The following ZNF534 variants were observed in gnomAD, a reference collection of about 807,000 sequenced individuals.
ZNF534 encodes the protein zinc finger protein 534.
In ZNF534, 19 loss-of-function variants were observed where a neutral mutation model predicts 13.6. That is an observed-to-expected ratio of 1.40 (90% CI 0.97 to 2.05). The LOEUF is 2.05. Among genes scored for constraint, ZNF534 ranks in the 30% most tolerant of loss-of-function variants. The pLI is 0.00. For synonymous variants in ZNF534, 244 were observed against 273.8 expected (o/e 0.89, Z 1.07); for missense variants, 782 against 796.3 (o/e 0.98, Z 0.22).
chr19:52,446,788 A>T (rs559200424), downstream of ZNF534, among the ~76,000 whole-genome samples: 2 of 152,196 alleles, frequency 1.3e-5, no homozygotes, highest in East Asian at 3.9e-4. Context: ...AGCAAGGGAG[A>T]TGGAGGCTGC....
chr19:52,446,891 C>T (rs2059196482), downstream of ZNF534, among the ~76,000 whole-genome samples: 1 of 152,142 alleles, frequency 6.6e-6, no homozygotes, highest in South Asian at 2.1e-4. Context: ...TCTTATAGTT[C>T]TGGATGTCAG....
In ZNF534 at chr19:52,441,196, A is replaced by T. The variant is rs965405030; in HGVS notation, c.*1750A>T. Among the ~76,000 whole-genome samples, 5 of 152,112 alleles carry T rather than the reference A, an allele frequency of 3.3e-5. No homozygotes were observed. The highest frequency in any genetic ancestry group is 1.2e-4 in the African/African-American group (5 of 41,432). ...TGGGATTACAGGCATGAGCTGCTGC[A>T]CCCAGCTTGAGAAATCATATGAATA... On this transcript the variant is annotated 3_prime_UTR_variant, in exon 5 of 5. Coordinates refer to ENST00000433050, the MANE Select transcript of ZNF534 (RefSeq NM_001143938.3).
At position 52,437,292 on chromosome 19, in the gene ZNF534, G is replaced by A. The variant is rs189782463; in HGVS notation, c.272-440G>A. 1.0e-3 allele frequency among the ~76,000 whole-genome samples: 154 copies of A among 152,178 alleles called. 1 individual carries two copies. In the South Asian group the frequency reaches 0.021, roughly 21 times the overall value. On this transcript the variant is annotated intron_variant, in intron 4 of 4. Coordinates refer to ENST00000433050, the MANE Select transcript of ZNF534 (RefSeq NM_001143938.3). ...CTTCAGTAAATCACCTCACTCCCTT[G>A]TGTTTTCTGCATTACCAACATGTTA...
chr19:52,430,976 G>A (rs770085433), intron 1 of ZNF534, among the ~76,000 whole-genome samples: 2 of 151,948 alleles, frequency 1.3e-5, no homozygotes, highest in Non-Finnish European at 2.9e-5. Flanking sequence ...TCAGCTTCCT[G>A]AGTAGCTGGG....
At chr19:52,436,698 G>A (rs1452640605) in intron 4 of ZNF534, among the ~76,000 whole-genome samples, 1 of 152,064 alleles carries the variant, frequency 6.6e-6, no homozygotes, top group Non-Finnish European at 1.5e-5. Context: ...TTTGCTCATT[G>A]TTTTCCTTTC....
At chr19:52,431,354 C>A in intron 1 of ZNF534, 54 bp from the exon 2 acceptor site, 1 of 1,338,364 alleles carries the variant, frequency 7.5e-7, no homozygotes, top group Non-Finnish European at 1.0e-6. Flanking sequence ...GGCTGTGGCA[C>A]AGGAAGTGGG....
chr19:52,435,205 C>A lies in ZNF534; in HGVS notation c.267C>A (p.Asn89Lys). The A allele has an allele frequency of 6.2e-7, 1 of 1,610,252 alleles. No individual in the cohort carries two copies. The highest frequency in any genetic ancestry group is 1.1e-5 in the South Asian group (1 of 90,338). Residue 89 changes from asparagine (N) to lysine (K), a missense_variant, in exon 4 of 5, where the codon AAC becomes AAA. Around this residue, in one of 5 missense-constraint regions of ZNF534, gnomAD observed 30 missense variants for 55.4 expected, o/e 0.54. Coordinates refer to ENST00000433050, the MANE Select transcript of ZNF534 (RefSeq NM_001143938.3). ...GCAGGGAGTGCATCAAAGGTGTGAA[C>A]ACAGGTGAGAGCTCAGGTGGGCAGA... ...PDGRECIKGV[N>K]TEKSSKLGSS...
intron 2 of ZNF534, 142 bp downstream of exon 2, chr19:52,431,631 A>G (rs2059087961): frequency 4.5e-6 from 5 of 1,107,258 alleles, no homozygotes; most frequent in Non-Finnish European, 6.6e-6. Flanking sequence ...AGTCCCTTTC[A>G]CTTCCACTTA....
intron 4 of ZNF534, among the ~76,000 whole-genome samples, chr19:52,436,838 T>C (rs2059131770): frequency 6.6e-6 from 1 of 152,196 alleles, no homozygotes; most frequent in African/African-American, 2.4e-5. Flanking sequence ...TTTCACATAC[T>C]GTTTTTCTGA....
intron 2 of ZNF534, 124 bp downstream of exon 2, chr19:52,431,613 C>A: frequency 7.9e-7 from 1 of 1,258,306 alleles, no homozygotes; most frequent in Non-Finnish European, 1.1e-6. Flanking sequence ...TTACCCATGG[C>A]TTCTTCCAGT....
intron 1 of ZNF534, among the ~76,000 whole-genome samples, 191 bp downstream of exon 1, chr19:52,429,435 C>T (rs8102941): frequency 0.011 from 1,633 of 152,290 alleles, 35 homozygotes; most frequent in African/African-American, 0.037. Context: ...GGCTTCTAGG[C>T]CGGGCGCGGT....
In ZNF534 at chr19:52,440,679, G is replaced by C. The variant is rs1808643090; in HGVS notation, c.*1233G>C. 2.6e-5 allele frequency among the ~76,000 whole-genome samples: 1 copy of C among 38,528 alleles called. No homozygotes were observed. The highest frequency in any genetic ancestry group is 7.6e-5 in the Non-Finnish European group (1 of 13,094). The allele number at this position is 38,528 out of a possible 152,430, so 25.3% of individuals were successfully genotyped here. On this transcript the variant is annotated 3_prime_UTR_variant, in exon 5 of 5. Transcript: ENST00000433050. Reference sequence around the variant, plus strand: ...GTCTGTAATCCCAGCTACTCAGGAGGCTGAGGCAGGAGAATCACTTAAACC... The same window carrying C: ...GTCTGTAATCCCAGCTACTCAGGAGCCTGAGGCAGGAGAATCACTTAAACC...
chr19:52,445,931 A>G (rs1300572044), downstream of ZNF534, among the ~76,000 whole-genome samples: 3 of 152,220 alleles, frequency 2.0e-5, no homozygotes, highest in Non-Finnish European at 4.4e-5. Context: ...TCTGAAAAAC[A>G]CAGGGAATAT....
intron 4 of ZNF534, among the ~76,000 whole-genome samples, chr19:52,437,352 C>T (rs2059134853): frequency 6.6e-6 from 1 of 152,272 alleles, no homozygotes; most frequent in Non-Finnish European, 1.5e-5. Flanking sequence ...GGCACAGTGG[C>T]TCATGCCTGT....
In ZNF534 at chr19:52,435,145, G is replaced by A. The variant is rs774882232; in HGVS notation, c.207G>A (p.Leu69=). ...MLEQKRDPWT[L]QSEVKIINNP... is the part of the protein sequence containing the mutation. ...AGCAAAAGAGAGATCCCTGGACTCT[G>A]CAGAGTGAAGTGAAAATAATAAACA... The change falls in exon 4 of 5, where the codon CTG becomes CTA. Residue 69 remains leucine (L), a synonymous_variant. Coordinates refer to ENST00000433050, the MANE Select transcript of ZNF534 (RefSeq NM_001143938.3). 2 of 1,613,000 alleles carry A rather than the reference G, an allele frequency of 1.2e-6. No individual in the cohort carries two copies. The highest frequency in any genetic ancestry group is 1.7e-6 in the Non-Finnish European group (2 of 1,179,382).
intron 4 of ZNF534, among the ~76,000 whole-genome samples, chr19:52,450,673 T>TTG (rs2059210316): frequency 7.7e-5 from 2 of 26,000 alleles, no homozygotes; most frequent in African/African-American, 2.5e-4. Flanking sequence ...TTTAGGAGTT[T>TTG]TTTTTTTTTT....
Position 52,429,677 on chromosome 19 carries a change from A to C in ZNF534, c.-68+433A>C, listed in dbSNP as rs1035487409. Among the ~76,000 whole-genome samples the C allele has an allele frequency of 8.1e-5, 12 of 148,228 alleles. No homozygotes were observed. The South Asian group carries it at 1.3e-3, about 16-fold the overall frequency. Reference sequence around the variant, plus strand: ...ATGGCGTGATCTCGGCTCACTGCAAACTCCGCCTCCCGGATTCAAGCGATT... The same window carrying C: ...ATGGCGTGATCTCGGCTCACTGCAACCTCCGCCTCCCGGATTCAAGCGATT... On this transcript the variant is annotated intron_variant, in intron 1 of 4. Transcript: ENST00000433050.
At chr19:52,436,226 C>T (rs2122683623) in intron 4 of ZNF534, among the ~76,000 whole-genome samples, 1 of 152,296 alleles carries the variant, frequency 6.6e-6, no homozygotes, top group South Asian at 2.1e-4. Flanking sequence ...GCATGAGTCA[C>T]CGTGCCCGGC....
intron 4 of ZNF534, among the ~76,000 whole-genome samples, chr19:52,436,154 G>A (rs2122683355): frequency 6.6e-6 from 1 of 151,470 alleles, no homozygotes; most frequent in Middle Eastern, 3.4e-3. Context: ...TAGCCAGGAT[G>A]TTCTCAATCT....
Sources: gnomAD v4.1 joint callset for allele counts (sites outside exome capture counted in the v4.1 genomes callset) on GRCh38, gnomAD v4.1.1 for gene constraint, gnomAD v4.1.1 regional missense constraint, MANE v1.5 for transcripts, NCBI Gene and HGNC (gene_info 2026-07-23, HGNC 2026-07-21) for gene names.